PAH: variants seen among roughly 807,000 people sequenced by gnomAD.
The protein encoded by PAH is phenylalanine hydroxylase.
In PAH, 64 loss-of-function variants were observed where a neutral mutation model predicts 62.0. That is an observed-to-expected ratio of 1.03 (90% CI 0.84 to 1.27). The LOEUF (loss-of-function observed/expected upper bound fraction) is 1.27, where lower values mean the gene tolerates loss of function less well. PAH is among the 50% of genes most tolerant of loss of function. The pLI is 0.00. For missense variants in PAH, 579 were observed against 542.8 expected (o/e 1.07, Z -0.66); for synonymous variants, 195 against 196.2 (o/e 0.99, Z 0.05).
At chr12:102,947,678 C>G (rs1490527385) in intron 1 of PAH, among the ~76,000 whole-genome samples, 2 of 152,154 alleles carry the variant, frequency 1.3e-5, no homozygotes, top group Non-Finnish European at 2.9e-5. Flanking sequence ...TTGAGATGAT[C>G]AAATAAAGTA....
intron 2 of PAH, among the ~76,000 whole-genome samples, chr12:102,906,160 A>C (rs115468558): frequency 0.024 from 3,639 of 152,254 alleles, 138 homozygotes; most frequent in African/African-American, 0.081. Context: ...AAATCAACAA[A>C]TTACCATATT....
rs75094967 is a variant in PAH, at chr12:102,916,772, G to C, written c.60+299C>G. On this transcript the variant is annotated intron_variant, in intron 1 of 12. Coordinates refer to ENST00000553106, the MANE Select transcript of PAH (RefSeq NM_000277.3). ...GAAGAGTAAACAGACAACAGAGAGGGACAGTAACTTGTCCAAAGACACACA... is the reference window on the plus strand; with the variant it reads ...GAAGAGTAAACAGACAACAGAGAGGCACAGTAACTTGTCCAAAGACACACA... Among the ~76,000 whole-genome samples, 2,004 of 152,304 alleles carry C rather than the reference G, an allele frequency of 0.013. 28 individuals are homozygous for C. Among genetic ancestry groups the C allele is most frequent in the Middle Eastern group, 0.027 (8 of 294 alleles).
rs62514954 is a variant in PAH, at chr12:102,852,829, C to T, written c.828G>A (p.Met276Ile). Residue 276 changes from methionine (M) to isoleucine (I), a missense_variant, in exon 7 of 13, where the codon ATG becomes ATA. By Grantham distance (10) the Met-to-Ile change is conservative. Coordinates refer to ENST00000553106, the MANE Select transcript of PAH (RefSeq NM_000277.3). ...TQYIRHGSKP[M>I]YTPEPDICHE... is the part of the protein sequence containing the mutation. ...ACAGTACTCACGGTTCGGGGGTATA[C>T]ATGGGCTTGGATCCATGTCTGATGT... The T allele has an allele frequency of 6.2e-7, 1 of 1,613,930 alleles. No individual in the cohort carries two copies. The highest frequency in any genetic ancestry group is 8.5e-7 in the Non-Finnish European group (1 of 1,179,982).
Position 102,838,304 on chromosome 12 carries a change from T to C in PAH, c.*871A>G, listed in dbSNP as rs923426831. On this transcript the variant is annotated 3_prime_UTR_variant, in exon 13 of 13. Coordinates refer to ENST00000553106, the MANE Select transcript of PAH (RefSeq NM_000277.3). The stretch of plus-strand genomic sequence containing the variant: ...GAGAGGAATATTTCATTCCAGGAAA[T>C]AACTGAAACAGTGAAATTGTTTAAA... The C allele has an allele frequency of 6.6e-6, 1 of 152,248 alleles. No individual in the cohort carries two copies. The highest frequency in any genetic ancestry group is 1.5e-5 in the Non-Finnish European group (1 of 68,042). The allele number at this position is 152,248 out of a possible 1,614,324, so 9.4% of individuals were successfully genotyped here.
chr12:102,863,174 T>G (rs1875806944), intron 5 of PAH, among the ~76,000 whole-genome samples: 1 of 152,194 alleles, frequency 6.6e-6, no homozygotes, highest in Non-Finnish European at 1.5e-5. Flanking sequence ...TGGATAAATT[T>G]AAGTCTAATA....
At chr12:102,850,905 G>A (rs1592951728) in intron 8 of PAH, among the ~76,000 whole-genome samples, 2 of 152,182 alleles carry the variant, frequency 1.3e-5, no homozygotes, top group Middle Eastern at 6.8e-3. Flanking sequence ...GCAATGTAGT[G>A]AGACTCTGTC....
At chr12:102,877,645 G>T in intron 3 of PAH, 95 bp from the exon 4 acceptor site, 3 of 884,784 alleles carry the variant, frequency 3.4e-6, no homozygotes, top group Non-Finnish European at 5.8e-6. Flanking sequence ...AGCCAATGGT[G>T]ATGGCAAGTG....
chr12:102,917,423 G>A (rs903887570), upstream of PAH: 5 of 449,976 alleles, frequency 1.1e-5, no homozygotes, highest in African/African-American at 1.0e-4. Context: ...TTCGCTGCCC[G>A]CCCTGGGTAA....
chr12:102,912,964 T>C (rs1468729767), intron 1 of PAH, 66 bp from the exon 2 acceptor site: 1 of 1,041,366 alleles, frequency 9.6e-7, no homozygotes, highest in Non-Finnish European at 1.5e-6. Context: ...CTGTTAAACC[T>C]CCATGGACAA....
intron 5 of PAH, among the ~76,000 whole-genome samples, chr12:102,856,835 G>GTCA (rs1168513250): frequency 6.6e-6 from 1 of 152,212 alleles, no homozygotes; most frequent in Non-Finnish European, 1.5e-5. Context: ...CCATCTGTGT[G>GTCA]TCACCATCAT....
chr12:102,947,740 T>C (rs1344290787), intron 1 of PAH, among the ~76,000 whole-genome samples: 1 of 152,166 alleles, frequency 6.6e-6, no homozygotes, highest in Non-Finnish European at 1.5e-5. Context: ...GTGACTGTAT[T>C]AGTCTGGGTT....
chr12:102,876,717 G>T (rs1876578491), intron 4 of PAH, among the ~76,000 whole-genome samples: 1 of 152,128 alleles, frequency 6.6e-6, no homozygotes, highest in Non-Finnish European at 1.5e-5. Context: ...CCGCAGCCTG[G>T]GCTGTTCCTC....
chr12:102,867,256 C>T (rs535789858), intron 4 of PAH, among the ~76,000 whole-genome samples: 4 of 152,152 alleles, frequency 2.6e-5, no homozygotes, highest in African/African-American at 4.8e-5. Context: ...TCCATAGTGA[C>T]GGTGAGGCTG....
intron 4 of PAH, among the ~76,000 whole-genome samples, chr12:102,874,543 A>G (rs1876482594): frequency 6.6e-6 from 1 of 152,210 alleles, no homozygotes; most frequent in Non-Finnish European, 1.5e-5. Flanking sequence ...TACGGTGGTG[A>G]TAATATTCAA....
intron 1 of PAH, among the ~76,000 whole-genome samples, chr12:102,942,172 A>G (rs1198960152): frequency 6.6e-6 from 1 of 152,116 alleles, no homozygotes; most frequent in Non-Finnish European, 1.5e-5. Context: ...AGAAAACCCC[A>G]TTGTGTCTGC....
chr12:102,854,810 C>CAAACA (rs530888628), intron 6 of PAH: 30 of 395,780 alleles, frequency 7.6e-5, no homozygotes, highest in South Asian at 3.0e-4. Context: ...AACTACAGGG[C>CAAACA]AAACAAAACA....
In PAH at chr12:102,843,748, G is replaced by T. The variant is rs62516098; in HGVS notation, c.1097C>A (p.Pro366His). The T allele has an allele frequency of 1.9e-6, 3 of 1,613,450 alleles. No individual in the cohort carries two copies. The highest frequency in any genetic ancestry group is 2.5e-6 in the Non-Finnish European group (3 of 1,179,466). ...GATGGCTGTCTTCTCCAGCTCCAGGGGGAGAAGCTTTGGCTTCTCTGATAA... is the reference window on the plus strand; with the variant it reads ...GATGGCTGTCTTCTCCAGCTCCAGGTGGAGAAGCTTTGGCTTCTCTGATAA... ...YCLSEKPKLLPLELEKTAIQN... is the reference protein window; with the variant it reads ...YCLSEKPKLLHLELEKTAIQN... The change falls in exon 11 of 13, where the codon CCC becomes CAC. Residue 366 changes from proline (P) to histidine (H), a missense_variant. Pro to His is a moderately conservative substitution (Grantham distance 77). Transcript: ENST00000553106.
intron 2 of PAH, among the ~76,000 whole-genome samples, chr12:102,897,483 ATATATATAT>A (rs1565867747): frequency 0.024 from 3,464 of 146,612 alleles, 166 homozygotes; most frequent in African/African-American, 0.081. Flanking sequence ...ATATATATAT[ATATATATAT>A]AATTCAAACT....
In PAH at chr12:102,843,608, C is replaced by A. The variant is rs372558114; in HGVS notation, c.1199+38G>T. On this transcript the variant is annotated intron_variant, in intron 11 of 12. Transcript: ENST00000553106. The stretch of plus-strand genomic sequence containing the variant: ...CAGATGAGTGGCACCAGTCAGGAGG[C>A]CCCCAGAGCTAGTGGCTCACCTTTG... The A allele has an allele frequency of 9.3e-6, 15 of 1,611,702 alleles. No homozygotes were observed. In the African/African-American group the frequency reaches 1.9e-4, roughly 20 times the overall value.
Sources: allele counts gnomAD v4.1 joint callset (sites outside exome capture counted in the v4.1 genomes callset), GRCh38; gene constraint gnomAD v4.1.1; transcripts MANE v1.5; gene names NCBI Gene and HGNC (gene_info 2026-07-23, HGNC 2026-07-21).